MVB12B: variants seen among roughly 807,000 people sequenced by gnomAD.
MVB12B encodes the protein multivesicular body subunit 12B.
In MVB12B, 16 loss-of-function variants were observed where a neutral mutation model predicts 41.6. The ratio of observed to expected loss-of-function variants is 0.38; its 90% CI spans 0.26 to 0.58. MVB12B has a LOEUF of 0.58. Ranked by LOEUF, MVB12B falls within the 20% of genes least tolerant of loss-of-function variation. The probability of loss-of-function intolerance (pLI) is 0.62; values close to 1 mark genes in which losing one functional copy is unlikely to be tolerated. For synonymous variants in MVB12B, 133 were observed against 139.7 expected (o/e 0.95, Z 0.34); for missense variants, 274 against 380.2 (o/e 0.72, Z 2.32).
chr9:126,338,135 C>T (rs1829335763), intron 1 of MVB12B, among the ~76,000 whole-genome samples: 1 of 152,234 alleles, frequency 6.6e-6, no homozygotes, highest in African/African-American at 2.4e-5. Flanking sequence ...GGCCCGGAGC[C>T]ATTTGTCCAT....
chr9:126,376,367 T>G lies in MVB12B; in HGVS notation c.205-4697T>G. On this transcript the variant is annotated intron_variant, in intron 2 of 9. Transcript: ENST00000361171. The surrounding 1 kb of genome is among the most constrained non-coding windows in gnomAD (Gnocchi z 4.1). ...TCTTTGCTACCTTCAAGCTCCCTTT[T>G]TTCTATTTTGGGCCCTTCTGTCATG... 6.0e-6 allele frequency: 3 copies of G among 503,380 alleles called. No individual in the cohort carries two copies. Among genetic ancestry groups the G allele is most frequent in the Non-Finnish European group, 1.1e-5 (3 of 285,122 alleles). 31.2% of individuals were successfully genotyped at this position (503,380 alleles called of 1,614,324 possible).
chr9:126,416,513 A>G, intron 6 of MVB12B, among the ~76,000 whole-genome samples: 1 of 152,196 alleles, frequency 6.6e-6, no homozygotes, highest in Non-Finnish European at 1.5e-5. Context: ...AGCGGCAGAG[A>G]TGTCATGTCC....
chr9:126,392,449 T>C lies in MVB12B; in HGVS notation c.539+254T>C, dbSNP rs191459444. ...CATTCAGCCTTGAAGCTCCTCTGGG[T>C]CCTTCCCCGACACCCTGTGATGCCA... On this transcript the variant is annotated intron_variant, in intron 5 of 9. Transcript: ENST00000361171. The surrounding 1 kb of genome is among the most constrained non-coding windows in gnomAD (Gnocchi z 4.8). Among the ~76,000 whole-genome samples, 118 of 152,290 alleles carry C rather than the reference T, an allele frequency of 7.7e-4. No homozygotes were observed. Among genetic ancestry groups the C allele is most frequent in the African/African-American group, 2.7e-3 (114 of 41,560 alleles).
chr9:126,332,160 C>G (rs551649125), intron 1 of MVB12B, among the ~76,000 whole-genome samples: 1 of 152,152 alleles, frequency 6.6e-6, no homozygotes, highest in Non-Finnish European at 1.5e-5. Context: ...GCAAGACTTT[C>G]ACCACTTCAC....
At chr9:126,353,081 G>A (rs1273668441) in intron 2 of MVB12B, among the ~76,000 whole-genome samples, 3 of 152,148 alleles carry the variant, frequency 2.0e-5, no homozygotes, top group Non-Finnish European at 4.4e-5. Flanking sequence ...TGGCTGGTGA[G>A]CAGTATTGAA....
chr9:126,416,523 C>G (rs1831830897), intron 6 of MVB12B, among the ~76,000 whole-genome samples: 1 of 152,188 alleles, frequency 6.6e-6, no homozygotes, highest in Non-Finnish European at 1.5e-5. Flanking sequence ...ATGTCATGTC[C>G]CTGGCATCAC....
At chr9:126,402,799 C>T (rs1268015071) in intron 6 of MVB12B, among the ~76,000 whole-genome samples, 1 of 152,234 alleles carries the variant, frequency 6.6e-6, no homozygotes, top group East Asian at 1.9e-4. Context: ...ACTAAAGCCA[C>T]ACATGCTTTT....
At position 126,486,399 on chromosome 9, in the gene MVB12B, TG is replaced by T. The variant is rs1365205919; in HGVS notation, c.873+2369del. Among the ~76,000 whole-genome samples, 1 of 152,060 alleles carries T rather than the reference TG, an allele frequency of 6.6e-6. No individual in the cohort carries two copies. The highest frequency in any genetic ancestry group is 1.5e-5 in the Non-Finnish European group (1 of 68,008). ...TCAGAGGAGCTGCTGCTGCCACAGG[TG>T]GTCACCAGGGCAGAGGTTACACTGA... is the stretch of plus-strand genomic sequence containing the variant. On this transcript the variant is annotated intron_variant, in intron 9 of 9. Transcript: ENST00000361171. This position sits in a 1 kb window ranked among gnomAD's most constrained non-coding sequence, Gnocchi z 4.7.
rs184158950 is a variant in MVB12B at position 126,467,958 on chromosome 9, A to G, written c.758-13411A>G. On this transcript the variant is annotated intron_variant, in intron 7 of 9. Transcript: ENST00000361171. ...TGCCTCAGCAGAGAGAAATGTATGC[A>G]CACATGTGTGTAGAGAGAAATATAT... Among the ~76,000 whole-genome samples the G allele has an allele frequency of 2.0e-5, 3 of 152,348 alleles. No individual in the cohort carries two copies. The East Asian group carries it at 5.8e-4, about 29-fold the overall frequency.
intron 2 of MVB12B, 91 bp from the exon 3 acceptor site, chr9:126,380,973 A>T: frequency 2.3e-6 from 2 of 886,048 alleles, no homozygotes; most frequent in Non-Finnish European, 3.7e-6. Flanking sequence ...AGCTGGTGTT[A>T]ATTGGAACAG....
intron 7 of MVB12B, among the ~76,000 whole-genome samples, chr9:126,467,358 G>A (rs1229103975): frequency 6.6e-6 from 1 of 152,184 alleles, no homozygotes; most frequent in Non-Finnish European, 1.5e-5. Flanking sequence ...CATCCTGTTG[G>A]GAGGCCCACG....
chr9:126,432,815 G>A (rs924011931), intron 7 of MVB12B, among the ~76,000 whole-genome samples: 15 of 152,282 alleles, frequency 9.9e-5, no homozygotes, highest in African/African-American at 3.6e-4. Context: ...GGTTGCGTGT[G>A]ACCGTTTCCC....
chr9:126,418,557 C>T (rs1831895417), intron 6 of MVB12B, among the ~76,000 whole-genome samples: 1 of 152,142 alleles, frequency 6.6e-6, no homozygotes, highest in Non-Finnish European at 1.5e-5. Flanking sequence ...CTCACTCTCC[C>T]ACAGACGGGC....
Position 126,386,609 on chromosome 9 carries a change from G to A in MVB12B, c.360G>A (p.Lys120=). Residue 120 remains lysine, a synonymous_variant, in exon 4 of 10, where the codon AAG becomes AAA. Transcript: ENST00000361171. The surrounding 1 kb of genome is among the most constrained non-coding windows in gnomAD (Gnocchi z 4.3). ...TAGATATGAAGCTCATTGACATCAA[G>A]GACACACTGCCTGTGGGCTTCATCC... The part of the protein sequence containing the change: ...VLVDMKLIDI[K]DTLPVGFIPI... The A allele has an allele frequency of 6.2e-7, 1 of 1,614,096 alleles. No homozygotes were observed. Among genetic ancestry groups the A allele is most frequent in the Admixed American group, 1.7e-5 (1 of 60,024 alleles).
intron 6 of MVB12B, among the ~76,000 whole-genome samples, chr9:126,405,475 C>T (rs1399478740): frequency 1.3e-5 from 2 of 151,948 alleles, no homozygotes; most frequent in African/African-American, 4.8e-5. Context: ...GATATTTTAC[C>T]TTTTATCAGA....
intron 7 of MVB12B, among the ~76,000 whole-genome samples, chr9:126,431,905 T>C (rs1218150895): frequency 1.3e-5 from 2 of 152,228 alleles, no homozygotes; most frequent in African/African-American, 2.4e-5. Context: ...CTCATTCTTA[T>C]GGGACGCTTC....
intron 1 of MVB12B, among the ~76,000 whole-genome samples, chr9:126,337,559 G>C (rs1829318251): frequency 1.3e-5 from 2 of 152,152 alleles, no homozygotes; most frequent in Non-Finnish European, 2.9e-5. Context: ...TCTCTGCCTA[G>C]TACAATAGAA....
intron 2 of MVB12B, among the ~76,000 whole-genome samples, chr9:126,373,653 A>G (rs867887302): frequency 2.0e-5 from 3 of 152,230 alleles, no homozygotes; most frequent in Non-Finnish European, 4.4e-5. Flanking sequence ...GGAGCACTCA[A>G]TTCCAACGTT....
At chr9:126,431,186 G>A (rs1588167206) in intron 7 of MVB12B, among the ~76,000 whole-genome samples, 1 of 152,216 alleles carries the variant, frequency 6.6e-6, no homozygotes, top group East Asian at 1.9e-4. Flanking sequence ...TTCTTCCTCA[G>A]TCCAGAGAAA....
Sources: gnomAD v4.1 joint callset for allele counts (sites outside exome capture counted in the v4.1 genomes callset) on GRCh38, gnomAD v4.1.1 for gene constraint, Gnocchi (gnomAD v3.1) non-coding constraint, MANE v1.5 for transcripts, NCBI Gene and HGNC (gene_info 2026-07-23, HGNC 2026-07-21) for gene names.